The following PTPRZ1 variants were observed in gnomAD, a reference collection of about 807,000 sequenced individuals.
The protein encoded by PTPRZ1 is protein tyrosine phosphatase receptor type Z1.
In PTPRZ1, 82 loss-of-function variants were observed where a neutral mutation model predicts 214.1. The ratio of observed to expected loss-of-function variants is 0.38; its 90% CI spans 0.32 to 0.46. The LOEUF is 0.46. Ranked by LOEUF, PTPRZ1 falls within the 20% of genes least tolerant of loss-of-function variation. The pLI is 1.00. For missense variants in PTPRZ1, 2,603 were observed against 2,748.7 expected (o/e 0.95, Z 1.19); for synonymous variants, 945 against 987.9 (o/e 0.96, Z 0.81).
At position 121,873,380 on chromosome 7, in the gene PTPRZ1, C is replaced by T; in HGVS notation, c.-120C>T. On this transcript the variant is annotated 5_prime_UTR_variant, in exon 1 of 30. Transcript: ENST00000393386. ...CACATACGCACGCACGATCTCACTTCGATCTATACACTGGAGGATTAAAAC... is the reference window on the plus strand; with the variant it reads ...CACATACGCACGCACGATCTCACTTTGATCTATACACTGGAGGATTAAAAC... 1 of 914,186 alleles carries T rather than the reference C, an allele frequency of 1.1e-6. No homozygotes were observed. The highest frequency in any genetic ancestry group is 1.7e-6 in the Non-Finnish European group (1 of 596,204). 56.6% of individuals were successfully genotyped at this position (914,186 alleles called of 1,614,324 possible). A position where few individuals can be genotyped will look rare whatever the true frequency, so the allele number is the denominator to read the frequency against.
intron 2 of PTPRZ1, among the ~76,000 whole-genome samples, chr7:121,939,391 C>G (rs1796178822): frequency 6.6e-6 from 1 of 152,156 alleles, no homozygotes; most frequent in South Asian, 2.1e-4. Flanking sequence ...TACCTCTAAA[C>G]TCTGTAGTTT....
In PTPRZ1 at chr7:122,034,099, T is replaced by C. The variant is rs187187121; in HGVS notation, c.5171T>C (p.Leu1724Pro). ...TGGCATTCATTCCCTCATTAGACAC[T>C]GAAAGAGTTTTACCAGGTAAGGCAT... is the stretch of plus-strand genomic sequence containing the variant. Reference protein sequence around the residue: ...SSGFTEEFETLKEFYQEVQSC... With the variant: ...SSGFTEEFETPKEFYQEVQSC... Residue 1724 changes from leucine (L) to proline (P), a missense_variant, in exon 16 of 30, where the codon CTG becomes CCG. Physicochemically the swap from Leu to Pro is moderately conservative, Grantham distance 98 (BLOSUM62 -3). Around this residue, in one of 6 missense-constraint regions of PTPRZ1, gnomAD observed 1,913 missense variants for 1,914.3 expected, o/e 1.00. Coordinates refer to ENST00000393386, the MANE Select transcript of PTPRZ1 (RefSeq NM_002851.3). 1.7e-4 allele frequency: 278 copies of C among 1,595,942 alleles called. No individual in the cohort carries two copies. Among genetic ancestry groups the C allele is most frequent in the Non-Finnish European group, 2.3e-5 (27 of 1,163,820 alleles).
In PTPRZ1 at chr7:122,042,745, T is replaced by A; in HGVS notation, c.5937+2T>A. 1 of 1,608,102 alleles carries A rather than the reference T, an allele frequency of 6.2e-7. No homozygotes were observed. Among genetic ancestry groups the A allele is most frequent in the Non-Finnish European group, 8.5e-7 (1 of 1,175,282 alleles). ...AGAAATTATTTGGTACAAACTGAGGTATGATTTTTAAAAAGATGATTTTAT... is the reference window on the plus strand; with the variant it reads ...AGAAATTATTTGGTACAAACTGAGGAATGATTTTTAAAAAGATGATTTTAT... On this transcript the variant is annotated splice_donor_variant, in intron 22 of 29. Transcript: ENST00000393386. LOFTEE classifies it high-confidence loss of function.
chr7:121,892,010 A>C (rs1032219879), intron 1 of PTPRZ1, among the ~76,000 whole-genome samples: 2 of 152,072 alleles, frequency 1.3e-5, no homozygotes, highest in African/African-American at 4.8e-5. Context: ...AATGTTCTTA[A>C]GTTTTTTTGT....
At chr7:121,956,260 C>A (rs988158686) in intron 2 of PTPRZ1, among the ~76,000 whole-genome samples, 30 of 152,158 alleles carry the variant, frequency 2.0e-4, no homozygotes, top group African/African-American at 6.5e-4. Flanking sequence ...TTTATTTTTT[C>A]TAAGCCAAAC....
Position 121,939,249 on chromosome 7 carries a change from A to G in PTPRZ1, c.124+11028A>G, listed in dbSNP as rs150204726. Among the ~76,000 whole-genome samples, 398 of 152,340 alleles carry G rather than the reference A, an allele frequency of 2.6e-3. 1 individual carries two copies. The highest frequency in any genetic ancestry group is 8.4e-3 in the African/African-American group (350 of 41,598). On this transcript the variant is annotated intron_variant, in intron 2 of 29. Transcript: ENST00000393386. Reference sequence around the variant, plus strand: ...GCTTAGCATATAAGAAGTAGCTAAAAATCGTAATGAATTGGAAAACAGGGA... The same window carrying G: ...GCTTAGCATATAAGAAGTAGCTAAAGATCGTAATGAATTGGAAAACAGGGA...
At chr7:121,875,859 T>A (rs1045656365) in intron 1 of PTPRZ1, among the ~76,000 whole-genome samples, 1 of 152,324 alleles carries the variant, frequency 6.6e-6, no homozygotes, top group African/African-American at 2.4e-5. Flanking sequence ...TACTTCAGTG[T>A]TTGTGGATGC....
At chr7:122,043,592 G>A (rs1192435638) in intron 22 of PTPRZ1, among the ~76,000 whole-genome samples, 2 of 152,116 alleles carry the variant, frequency 1.3e-5, no homozygotes, top group Non-Finnish European at 2.9e-5. Flanking sequence ...GGCTGAGTGG[G>A]CTTCAAAACG....
intron 2 of PTPRZ1, among the ~76,000 whole-genome samples, chr7:121,946,757 A>G (rs1388217141): frequency 1.3e-5 from 2 of 152,200 alleles, no homozygotes; most frequent in Non-Finnish European, 2.9e-5. Flanking sequence ...GTCAGCAAAA[A>G]TTACCTTTAC....
chr7:121,910,868 A>G (rs1224181316), intron 1 of PTPRZ1, among the ~76,000 whole-genome samples: 1 of 152,212 alleles, frequency 6.6e-6, no homozygotes, highest in Admixed American at 6.5e-5. Flanking sequence ...AGCAGGAAAT[A>G]CCTGAAAATA....
chr7:121,937,226 AG>A (rs1193202207), intron 2 of PTPRZ1, among the ~76,000 whole-genome samples: 3 of 152,200 alleles, frequency 2.0e-5, no homozygotes, highest in Non-Finnish European at 4.4e-5. Flanking sequence ...ATTGAGAGGT[AG>A]GGTCCAGACC....
At position 122,011,110 on chromosome 7, in the gene PTPRZ1, G is replaced by T. The variant is rs756985744; in HGVS notation, c.2064G>T (p.Lys688Asn). 1.2e-6 allele frequency: 2 copies of T among 1,614,122 alleles called. No individual in the cohort carries two copies. The highest frequency in any genetic ancestry group is 1.7e-6 in the Non-Finnish European group (2 of 1,180,022). Residue 688 changes from lysine to asparagine, a missense_variant, in exon 12 of 30, where the codon AAG (lysine) becomes AAT (asparagine). By Grantham distance (94) the Lys-to-Asn change is moderately conservative. Coordinates refer to ENST00000393386, the MANE Select transcript of PTPRZ1 (RefSeq NM_002851.3). ...YTEIRVDESE[K>N]TTKSFSAGPV... ...AGATACGTGTTGATGAATCTGAGAA[G>T]ACAACCAAGTCCTTTTCTGCAGGCC...
At chr7:122,022,931 G>C (rs990358897) in intron 13 of PTPRZ1, among the ~76,000 whole-genome samples, 17 of 152,192 alleles carry the variant, frequency 1.1e-4, no homozygotes, top group Non-Finnish European at 2.1e-4. Context: ...TACGATCAGT[G>C]GATTTTAGAC....
At chr7:121,878,901 A>C (rs1227345872) in intron 1 of PTPRZ1, among the ~76,000 whole-genome samples, 1 of 151,384 alleles carries the variant, frequency 6.6e-6, no homozygotes, top group Admixed American at 6.6e-5. Flanking sequence ...AAAAAAAAAT[A>C]GTTGTTTGTT....
intron 12 of PTPRZ1, among the ~76,000 whole-genome samples, chr7:122,015,628 A>G (rs983445524): frequency 2.6e-5 from 4 of 152,068 alleles, no homozygotes; most frequent in African/African-American, 4.8e-5. Flanking sequence ...TTAAAAGAAA[A>G]TATCAGGAAT....
Position 121,996,710 on chromosome 7 carries a change from T to A in PTPRZ1, c.1113+144T>A, listed in dbSNP as rs576153952. ...GGGGTAGGCTGAGTATTTTTAAATT[T>A]AAAAAAAAATTTTAAATTAGAAGCT... On this transcript the variant is annotated intron_variant, in intron 9 of 29. Transcript: ENST00000393386. 3.4e-4 allele frequency: 189 copies of A among 551,602 alleles called. 1 individual carries two copies. The highest frequency in any genetic ancestry group is 2.2e-3 in the African/African-American group (113 of 51,246). 34.2% of individuals were successfully genotyped at this position (551,602 alleles called of 1,614,324 possible).
At chr7:121,922,765 A>G (rs1584641785) in intron 1 of PTPRZ1, among the ~76,000 whole-genome samples, 2 of 152,276 alleles carry the variant, frequency 1.3e-5, no homozygotes, top group East Asian at 3.9e-4. Flanking sequence ...CACTCTGATG[A>G]CAGTATACTA....
At chr7:121,898,814 A>C (rs905790186) in intron 1 of PTPRZ1, among the ~76,000 whole-genome samples, 2 of 152,170 alleles carry the variant, frequency 1.3e-5, no homozygotes, top group Non-Finnish European at 2.9e-5. Flanking sequence ...GGAAGCTCTT[A>C]GTAAGTAGCT....
At position 121,996,571 on chromosome 7, in the gene PTPRZ1, C is replaced by G; in HGVS notation, c.1113+5C>G. 1 of 1,592,628 alleles carries G rather than the reference C, an allele frequency of 6.3e-7. No individual in the cohort carries two copies. The highest frequency in any genetic ancestry group is 8.6e-7 in the Non-Finnish European group (1 of 1,167,776). ...ACAGATGGCTATCAAGACTTGGTAA[C>G]TATATGATCAGTTGTTTTACATAGG... On this transcript the variant is annotated splice_donor_5th_base_variant and intron_variant, in intron 9 of 29. Coordinates refer to ENST00000393386, the MANE Select transcript of PTPRZ1 (RefSeq NM_002851.3).
Sources: gnomAD v4.1 joint callset for allele counts (sites outside exome capture counted in the v4.1 genomes callset) on GRCh38, gnomAD v4.1.1 for gene constraint, gnomAD v4.1.1 regional missense constraint, MANE v1.5 for transcripts, NCBI Gene and HGNC (gene_info 2026-07-23, HGNC 2026-07-21) for gene names.